Variants in KMT2E observed in about 807,000 individuals in gnomAD.
KMT2E encodes lysine methyltransferase 2E (inactive).
Under a neutral mutation model 184.6 loss-of-function variants are expected in KMT2E, and 30 were observed. The ratio of observed to expected loss-of-function variants is 0.16; its 90% CI spans 0.12 to 0.22. The LOEUF (loss-of-function observed/expected upper bound fraction) is 0.22, where lower values mean the gene tolerates loss of function less well. Among genes scored for constraint, KMT2E ranks in the 10% least tolerant of loss-of-function variants. KMT2E has a pLI of 1.00. For missense variants in KMT2E, 2,023 were observed against 2,237.4 expected, an observed-to-expected ratio of 0.90 and a Z score of 1.93; for synonymous variants, 815 against 776.5, an observed-to-expected ratio of 1.05 and a Z score of -0.82.
rs1238684227 is a variant in KMT2E at position 105,105,533 on chromosome 7, C to T, written c.2291C>T (p.Pro764Leu). ...SERPLRITTD[P>L]EVLATQLNSL... ...AGGCCTCTACGCATAACTACAGATCCTGAAGTGTTAGCTACACAACTCAAT... is the reference window on the plus strand; with the variant it reads ...AGGCCTCTACGCATAACTACAGATCTTGAAGTGTTAGCTACACAACTCAAT... Residue 764 changes from proline (P) to leucine (L), a missense_variant, in exon 18 of 27, where the codon CCT becomes CTT. Physicochemically the swap from Pro to Leu is moderately conservative, Grantham distance 98 (BLOSUM62 -3). Coordinates refer to ENST00000311117, the MANE Select transcript of KMT2E (RefSeq NM_182931.3). The T allele has an allele frequency of 4.3e-6, 7 of 1,614,092 alleles. No individual in the cohort carries two copies. In the Admixed American group the frequency reaches 8.3e-5, roughly 19 times the overall value.
Position 105,077,407 on chromosome 7 carries a change from T to G in KMT2E, c.1104T>G (p.Phe368Leu). 1 of 1,607,886 alleles carries G rather than the reference T, an allele frequency of 6.2e-7. No individual in the cohort carries two copies. The highest frequency in any genetic ancestry group is 8.5e-7 in the Non-Finnish European group (1 of 1,175,844). ...GGAAGTTTATGCTGAGAGAACAGTT[T>G]GAAGCAAATGGGTATTTCTTTAAAA... Reference protein sequence around the residue: ...YRGKFMLREQFEANGYFFKRP... With the variant: ...YRGKFMLREQLEANGYFFKRP... Residue 368 changes from phenylalanine (F) to leucine (L), a missense_variant, in exon 11 of 27, where the codon TTT becomes TTG. Phe to Leu is a conservative substitution (Grantham distance 22). This residue lies in a region of KMT2E where 68 missense variants were observed against 133.1 expected (regional missense o/e 0.51). Transcript: ENST00000311117.
At chr7:105,094,716 C>G (rs1798334539) in intron 15 of KMT2E, among the ~76,000 whole-genome samples, 1 of 152,302 alleles carries the variant, frequency 6.6e-6, no homozygotes, top group South Asian at 2.1e-4. Context: ...TGCAAGTTTG[C>G]TTTCCCAGGT....
At chr7:105,015,165 CT>C (rs1163691891) in intron 1 of KMT2E, among the ~76,000 whole-genome samples, 1 of 152,202 alleles carries the variant, frequency 6.6e-6, no homozygotes, top group Non-Finnish European at 1.5e-5. Flanking sequence ...TCCCCCACTC[CT>C]TTTGCATTAC....
chr7:105,089,655 T>C (rs1454140901), intron 13 of KMT2E, among the ~76,000 whole-genome samples: 1 of 152,200 alleles, frequency 6.6e-6, no homozygotes, highest in African/African-American at 2.4e-5. Flanking sequence ...GTGAATTTTG[T>C]GTTTAGACCT....
At chr7:105,038,806 C>T (rs1795767710) in intron 2 of KMT2E, among the ~76,000 whole-genome samples, 1 of 151,218 alleles carries the variant, frequency 6.6e-6, no homozygotes, top group Non-Finnish European at 1.5e-5. Context: ...TTAAGCGATG[C>T]GAATTTTCTC....
intron 6 of KMT2E, among the ~76,000 whole-genome samples, chr7:105,069,862 G>A (rs191574146): frequency 1.3e-5 from 2 of 152,022 alleles, no homozygotes; most frequent in East Asian, 3.9e-4. Context: ...TTCTGTAATC[G>A]ATTTCTATAA....
At chr7:105,039,325 C>T (rs1455020963) in intron 2 of KMT2E, 1 of 152,092 alleles carries the variant, frequency 6.6e-6, no homozygotes, top group Non-Finnish European at 1.5e-5. Flanking sequence ...TAAATAAATA[C>T]CTAAGTAGAT....
At position 105,107,892 on chromosome 7, in the gene KMT2E, T is replaced by C. The variant is rs768901467; in HGVS notation, c.3435T>C (p.Asn1145=). ...TTAATGACAATTTGATCGACGGGAATTGCACACCCCAGAATCCACCACAAA... is the reference window on the plus strand; with the variant it reads ...TTAATGACAATTTGATCGACGGGAACTGCACACCCCAGAATCCACCACAAA... The part of the protein sequence containing the change: ...RTVNDNLIDG[N]CTPQNPPQKK... Residue 1145 remains asparagine, a synonymous_variant, in exon 22 of 27, where the codon AAT becomes AAC. Coordinates refer to ENST00000311117, the MANE Select transcript of KMT2E (RefSeq NM_182931.3). 2.5e-6 allele frequency: 4 copies of C among 1,613,682 alleles called. No individual in the cohort carries two copies. Among genetic ancestry groups the C allele is most frequent in the East Asian group, 4.5e-5 (2 of 44,868 alleles).
intron 13 of KMT2E, among the ~76,000 whole-genome samples, chr7:105,087,291 T>TATATATA (rs1439720071): frequency 0.01 from 1,541 of 147,166 alleles, 20 homozygotes; most frequent in African/African-American, 0.036. Flanking sequence ...TATGATATAA[T>TATATATA]ATATATAATA....
At chr7:105,101,733 G>A in intron 16 of KMT2E, 144 bp downstream of exon 16, 1 of 932,696 alleles carries the variant, frequency 1.1e-6, no homozygotes, top group Non-Finnish European at 1.5e-6. Context: ...GTTTCAGCTT[G>A]AGATAAAAGA....
At chr7:105,090,322 C>T (rs1380758970) in intron 14 of KMT2E, 49 bp downstream of exon 14, 1 of 1,543,188 alleles carries the variant, frequency 6.5e-7, no homozygotes, top group East Asian at 2.3e-5. Context: ...GGAAAATAAT[C>T]TGTCATATTT....
intron 15 of KMT2E, among the ~76,000 whole-genome samples, chr7:105,097,143 C>A (rs920464799): frequency 6.6e-6 from 1 of 152,174 alleles, no homozygotes; most frequent in Non-Finnish European, 1.5e-5. Flanking sequence ...ACTTGACTGA[C>A]TTCATTTAGA....
intron 6 of KMT2E, among the ~76,000 whole-genome samples, chr7:105,067,669 T>G (rs915874379): frequency 1.3e-5 from 2 of 152,196 alleles, no homozygotes; most frequent in African/African-American, 4.8e-5. Flanking sequence ...CAATTCTTTT[T>G]ACAAAAATAA....
At chr7:105,075,730 G>T (rs1255971468) in intron 8 of KMT2E, among the ~76,000 whole-genome samples, 2 of 151,400 alleles carry the variant, frequency 1.3e-5, no homozygotes, top group Non-Finnish European at 2.9e-5. Context: ...AGGCTGGAGT[G>T]CAGTGGGTAT....
intron 15 of KMT2E, among the ~76,000 whole-genome samples, chr7:105,093,397 A>G (rs1367099894): frequency 6.6e-6 from 1 of 152,008 alleles, no homozygotes; most frequent in Non-Finnish European, 1.5e-5. Context: ...AAAATTGGAT[A>G]TTTGCTGGGC....
At chr7:105,109,310 C>T in intron 23 of KMT2E, 82 bp downstream of exon 23, 3 of 1,403,264 alleles carry the variant, frequency 2.1e-6, no homozygotes, top group Non-Finnish European at 1.9e-6. Flanking sequence ...TCTCCCAAGG[C>T]TAAGCTGATA....
intron 3 of KMT2E, among the ~76,000 whole-genome samples, chr7:105,056,191 GA>G (rs1480899027): frequency 6.6e-6 from 1 of 151,698 alleles, no homozygotes; most frequent in Non-Finnish European, 1.5e-5. Flanking sequence ...TTGGAGCTAG[GA>G]AAAAAAATTA....
rs555413371 is a variant in KMT2E, at chr7:105,072,658, A to G, written c.498-961A>G. On this transcript the variant is annotated intron_variant, in intron 6 of 26. Coordinates refer to ENST00000311117, the MANE Select transcript of KMT2E (RefSeq NM_182931.3). ...ACTTAACTGTTAAATGCTCATGCCT[A>G]TAATCCCAGCACTTTGGGAGGCCGA... 2.7e-4 allele frequency among the ~76,000 whole-genome samples: 41 copies of G among 152,228 alleles called. No individual in the cohort carries two copies. The South Asian group carries it at 7.5e-3, about 28-fold the overall frequency.
At chr7:105,107,959 A>ATTTT in intron 22 of KMT2E, 34 bp downstream of exon 22, 5 of 1,283,438 alleles carry the variant, frequency 3.9e-6, no homozygotes, top group Non-Finnish European at 5.3e-6. Context: ...TCCTTTTAAT[A>ATTTT]GTTTTTTTTT....
Sources: allele counts gnomAD v4.1 joint callset (sites outside exome capture counted in the v4.1 genomes callset), GRCh38; gene constraint gnomAD v4.1.1; regional missense constraint gnomAD v4.1.1; transcripts MANE v1.5; gene names NCBI Gene and HGNC (gene_info 2026-07-23, HGNC 2026-07-21).